The following SPAST variants were observed in gnomAD, a reference collection of about 807,000 sequenced individuals.
SPAST encodes spastic paraplegia 4 (autosomal dominant; spastin).
Under a neutral mutation model 76.6 loss-of-function variants are expected in SPAST, and 30 were observed. That is an observed-to-expected ratio of 0.39 (90% CI 0.29 to 0.53). The LOEUF (loss-of-function observed/expected upper bound fraction) is 0.53. Ranked by LOEUF, SPAST falls within the 20% of genes least tolerant of loss-of-function variation. The pLI is 0.68. For missense variants in SPAST, 717 were observed against 770.5 expected (o/e 0.93, Z 0.82); for synonymous variants, 305 against 281.0 (o/e 1.09, Z -0.86).
intron 4 of SPAST, among the ~76,000 whole-genome samples, chr2:32,104,029 T>G (rs2148721797): frequency 6.6e-6 from 1 of 152,282 alleles, no homozygotes; most frequent in Middle Eastern, 3.4e-3. Context: ...GTCTTGTTGA[T>G]CTGTCTAATA....
intron 1 of SPAST, among the ~76,000 whole-genome samples, chr2:32,083,776 A>ATATTTT (rs1553398791): frequency 1.7e-4 from 8 of 46,072 alleles, no homozygotes; most frequent in Admixed American, 3.6e-4. Flanking sequence ...ATATATATAT[A>ATATTTT]TTTTTTTTTT....
At chr2:32,083,772 A>AT (rs1254717387) in intron 1 of SPAST, among the ~76,000 whole-genome samples, 13 of 51,184 alleles carry the variant, frequency 2.5e-4, no homozygotes, top group South Asian at 7.2e-4. Context: ...ATATATATAT[A>AT]TATATTTTTT....
At chr2:32,143,551 C>A in intron 14 of SPAST, 136 bp downstream of exon 14, 1 of 649,658 alleles carries the variant, frequency 1.5e-6, no homozygotes, top group South Asian at 1.8e-5. Flanking sequence ...CATCCTCTAC[C>A]TCCTTTGCCT....
In SPAST at chr2:32,063,788, C is replaced by T. The variant is rs747252685; in HGVS notation, c.-44C>T. 5.8e-6 allele frequency: 9 copies of T among 1,545,730 alleles called. No homozygotes were observed. The highest frequency in any genetic ancestry group is 4.7e-5 in the South Asian group (4 of 84,732). ...CCGCCGTCGCTTGGTTCCCGTCGGTCTGCGGGAGGCGGGTTATGGCGGCGG... is the reference window on the plus strand; with the variant it reads ...CCGCCGTCGCTTGGTTCCCGTCGGTTTGCGGGAGGCGGGTTATGGCGGCGG... On this transcript the variant is annotated 5_prime_UTR_variant, in exon 1 of 17. Coordinates refer to ENST00000315285, the MANE Select transcript of SPAST (RefSeq NM_014946.4).
At chr2:32,100,496 G>A (rs977296488) in intron 4 of SPAST, among the ~76,000 whole-genome samples, 4 of 151,876 alleles carry the variant, frequency 2.6e-5, no homozygotes, top group Non-Finnish European at 5.9e-5. Context: ...GTTCTAGGGT[G>A]CATGTGCACA....
chr2:32,073,252 C>T (rs1278066329), intron 1 of SPAST, among the ~76,000 whole-genome samples: 1 of 152,114 alleles, frequency 6.6e-6, no homozygotes, highest in Admixed American at 6.5e-5. Flanking sequence ...AGGTTGGTCT[C>T]GAACTCCTGG....
chr2:32,130,391 A>T (rs1203934955), intron 9 of SPAST: 4 of 152,158 alleles, frequency 2.6e-5, no homozygotes, highest in African/African-American at 9.7e-5. Flanking sequence ...TGTTACCTGT[A>T]AAAGTTTGAA....
At chr2:32,136,718 A>G in intron 10 of SPAST, 80 bp downstream of exon 10, 1 of 1,358,318 alleles carries the variant, frequency 7.4e-7, no homozygotes, top group Admixed American at 1.7e-5. Flanking sequence ...GATTGGAAAC[A>G]TTATTCAGAA....
intron 1 of SPAST, among the ~76,000 whole-genome samples, chr2:32,085,753 G>A (rs1246263450): frequency 6.6e-6 from 1 of 151,978 alleles, no homozygotes; most frequent in Non-Finnish European, 1.5e-5. Flanking sequence ...AAGACTTCAT[G>A]TGGCCAGGTG....
At chr2:32,144,667 C>A (rs2148760524) in intron 14 of SPAST, among the ~76,000 whole-genome samples, 1 of 152,178 alleles carries the variant, frequency 6.6e-6, no homozygotes, top group East Asian at 1.9e-4. Flanking sequence ...GGGTGGATCA[C>A]CTGAGGTCAG....
In SPAST at chr2:32,156,957, T is replaced by C. The variant is rs1386270791; in HGVS notation, c.*2461T>C. 1 of 152,218 alleles carries C rather than the reference T, an allele frequency of 6.6e-6. No homozygotes were observed. Among genetic ancestry groups the C allele is most frequent in the Non-Finnish European group, 1.5e-5 (1 of 68,020 alleles). The allele number at this position is 152,218 out of a possible 1,614,324, so 9.4% of individuals were successfully genotyped here. Reference sequence around the variant, plus strand: ...ACTTAACTCTAACCAAGTTTTATTTTAAGCTGTTTCTTTGATAGAAGGGCC... The same window carrying C: ...ACTTAACTCTAACCAAGTTTTATTTCAAGCTGTTTCTTTGATAGAAGGGCC... On this transcript the variant is annotated 3_prime_UTR_variant, in exon 17 of 17. Coordinates refer to ENST00000315285, the MANE Select transcript of SPAST (RefSeq NM_014946.4).
At chr2:32,125,280 A>G (rs1394526669) in intron 7 of SPAST, among the ~76,000 whole-genome samples, 2 of 152,066 alleles carry the variant, frequency 1.3e-5, no homozygotes, top group Non-Finnish European at 2.9e-5. Context: ...CTGGAATACA[A>G]TGGCACGATC....
chr2:32,128,337 C>A, intron 8 of SPAST, 71 bp from the exon 9 acceptor site: 1 of 1,117,882 alleles, frequency 8.9e-7, no homozygotes, highest in Non-Finnish European at 1.3e-6. Flanking sequence ...GTACTTAAAT[C>A]GGTAAATATG....
chr2:32,129,318 G>A (rs1679295571), intron 9 of SPAST: 2 of 151,378 alleles, frequency 1.3e-5, no homozygotes, highest in South Asian at 4.2e-4. Context: ...CAAATTCCTG[G>A]GCTTAAGCAA....
At chr2:32,152,580 CAAAT>C (rs758931471) in intron 16 of SPAST, among the ~76,000 whole-genome samples, 55 of 151,990 alleles carry the variant, frequency 3.6e-4, no homozygotes, top group African/African-American at 6.3e-4. Context: ...ATTTCTATAA[CAAAT>C]AAATTTTATT....
intron 1 of SPAST, among the ~76,000 whole-genome samples, chr2:32,083,533 G>A (rs1160854894): frequency 1.3e-5 from 2 of 150,516 alleles, no homozygotes; most frequent in African/African-American, 4.9e-5. Flanking sequence ...TGGGTGCATT[G>A]TTGTATCTTT....
chr2:32,115,987 A>G, intron 6 of SPAST, 132 bp from the exon 7 acceptor site: 1 of 945,094 alleles, frequency 1.1e-6, no homozygotes, highest in Non-Finnish European at 1.6e-6. Context: ...GTAGAAAACC[A>G]TTGCTTTACT....
chr2:32,068,325 C>CTT (rs34133490), intron 1 of SPAST, among the ~76,000 whole-genome samples: 1 of 132,236 alleles, frequency 7.6e-6, no homozygotes, highest in African/African-American at 2.8e-5. Context: ...GTTGACAGCT[C>CTT]TTTTTTTTTT....
chr2:32,063,889 G>A lies in SPAST; in HGVS notation c.58G>A (p.Val20Met). Residue 20 changes from valine (V) to methionine (M), a missense_variant, in exon 1 of 17, where the codon GTG becomes ATG. By Grantham distance (21) the Val-to-Met change is conservative (BLOSUM62 1). Coordinates refer to ENST00000315285, the MANE Select transcript of SPAST (RefSeq NM_014946.4). ...KKGSGGASNP[V>M]PPRPPPPCLA... is the part of the protein sequence containing the mutation. ...AGGCTCCGGCGGCGCCAGCAACCCG[G>A]TGCCTCCCAGGCCTCCGCCCCCTTG... is the stretch of plus-strand genomic sequence containing the variant. 1 of 1,583,136 alleles carries A rather than the reference G, an allele frequency of 6.3e-7. No homozygotes were observed. The highest frequency in any genetic ancestry group is 1.1e-5 in the South Asian group (1 of 88,126).
Sources: gnomAD v4.1 joint callset for allele counts (sites outside exome capture counted in the v4.1 genomes callset) on GRCh38, gnomAD v4.1.1 for gene constraint, MANE v1.5 for transcripts, NCBI Gene and HGNC (gene_info 2026-07-23, HGNC 2026-07-21) for gene names.